SLIT3: variants seen among roughly 807,000 people sequenced by gnomAD.
SLIT3 encodes slit homolog 3 protein.
In SLIT3, 68 loss-of-function variants were observed where a neutral mutation model predicts 184.0. That is an observed-to-expected ratio of 0.37 (90% CI 0.30 to 0.45). SLIT3 has a LOEUF of 0.45. Among genes scored for constraint, SLIT3 ranks in the 20% least tolerant of loss-of-function variants. The pLI, the probability that SLIT3 is intolerant of heterozygous loss-of-function variation, is 1.00. For missense variants in SLIT3, 1,707 were observed against 2,026.0 expected (o/e 0.84, Z 3.02); for synonymous variants, 831 against 828.6 (o/e 1.00, Z -0.05).
At position 168,673,223 on chromosome 5, in the gene SLIT3, G is replaced by A. The variant is rs1351456102; in HGVS notation, c.3795C>T (p.Leu1265=). The A allele has an allele frequency of 6.2e-7, 1 of 1,614,130 alleles. No individual in the cohort carries two copies. The highest frequency in any genetic ancestry group is 1.7e-5 in the Admixed American group (1 of 60,014). The change falls in exon 33 of 36, where the codon CTC becomes CTT. Residue 1265 remains leucine, a synonymous_variant. Coordinates refer to ENST00000519560, the MANE Select transcript of SLIT3 (RefSeq NM_003062.4). The stretch of plus-strand genomic sequence containing the variant: ...TGATGCCCACTGCTGGCTGCTTCTG[G>A]AGCTTCCCCAGGCTCTTTGGAGTTC... The part of the protein sequence containing the change: ...DKGTPKSLGK[L]QKQPAVGINS...
At chr5:168,896,412 C>T (rs1291752323) in intron 4 of SLIT3, among the ~76,000 whole-genome samples, 1 of 152,180 alleles carries the variant, frequency 6.6e-6, no homozygotes, top group Admixed American at 6.5e-5. Flanking sequence ...CTTATCAGTA[C>T]TTGCATCTGT....
intron 4 of SLIT3, among the ~76,000 whole-genome samples, chr5:168,900,759 AC>A (rs1474439463): frequency 6.6e-5 from 10 of 152,266 alleles, no homozygotes; most frequent in African/African-American, 2.4e-4. Flanking sequence ...GTATATATAC[AC>A]AATGGAATAC....
chr5:169,207,388 C>T (rs1206814701), intron 3 of SLIT3, among the ~76,000 whole-genome samples: 2 of 149,934 alleles, frequency 1.3e-5, no homozygotes, highest in African/African-American at 2.5e-5. Context: ...CACACACACA[C>T]ACACACACAC....
chr5:168,784,985 T>C (rs532117013), intron 12 of SLIT3, among the ~76,000 whole-genome samples: 2 of 152,220 alleles, frequency 1.3e-5, no homozygotes, highest in East Asian at 3.9e-4. Flanking sequence ...GTAGATTCTT[T>C]TCCAGTTTCC....
chr5:168,960,244 C>T (rs1762959308), intron 4 of SLIT3, among the ~76,000 whole-genome samples: 1 of 152,218 alleles, frequency 6.6e-6, no homozygotes, highest in Non-Finnish European at 1.5e-5. Context: ...CTTGGTGATT[C>T]TCTGGTTAAT....
chr5:169,002,352 A>G (rs1051927941), intron 4 of SLIT3, among the ~76,000 whole-genome samples: 1 of 147,854 alleles, frequency 6.8e-6, no homozygotes, highest in Non-Finnish European at 1.5e-5. Context: ...AAAAAAAAAA[A>G]AAAGAAAAAA....
At chr5:169,139,461 A>G (rs1352704787) in intron 4 of SLIT3, among the ~76,000 whole-genome samples, 3 of 152,284 alleles carry the variant, frequency 2.0e-5, no homozygotes, top group African/African-American at 7.2e-5. Flanking sequence ...GACCTCTGAA[A>G]TATCAAGAGG....
intron 5 of SLIT3, among the ~76,000 whole-genome samples, chr5:168,872,991 C>G (rs1165100970): frequency 3.9e-5 from 6 of 152,262 alleles, no homozygotes; most frequent in Admixed American, 3.3e-4. Context: ...AATTCTGTCC[C>G]AACTGTGACC....
At chr5:169,268,359 A>G (rs958987085) in intron 1 of SLIT3, among the ~76,000 whole-genome samples, 1 of 152,188 alleles carries the variant, frequency 6.6e-6, no homozygotes, top group South Asian at 2.1e-4. Context: ...GTTCGACCCA[A>G]GGAAATTCTG....
chr5:169,287,703 T>C (rs1448420567), intron 1 of SLIT3, among the ~76,000 whole-genome samples: 1 of 152,074 alleles, frequency 6.6e-6, no homozygotes, highest in East Asian at 1.9e-4. Context: ...ATTCAGAACT[T>C]GTACGCTGGC....
intron 14 of SLIT3, among the ~76,000 whole-genome samples, chr5:168,765,941 G>C (rs1248856848): frequency 6.6e-6 from 1 of 152,106 alleles, no homozygotes. Flanking sequence ...GTGGGGGTAG[G>C]AGGTGGAAAT....
intron 4 of SLIT3, among the ~76,000 whole-genome samples, chr5:169,133,589 T>C (rs542935907): frequency 2.6e-5 from 4 of 152,264 alleles, no homozygotes; most frequent in African/African-American, 9.6e-5. Flanking sequence ...AAAATCTTTA[T>C]AGTAGGAGCT....
intron 1 of SLIT3, among the ~76,000 whole-genome samples, chr5:169,262,010 G>T (rs946908214): frequency 3.3e-5 from 5 of 152,248 alleles, no homozygotes; most frequent in Middle Eastern, 3.4e-3. Context: ...AGACTGCAAG[G>T]AACTGAATTA....
At chr5:169,054,936 T>C (rs1238747649) in intron 4 of SLIT3, among the ~76,000 whole-genome samples, 4 of 152,160 alleles carry the variant, frequency 2.6e-5, no homozygotes, top group Admixed American at 6.5e-5. Context: ...ATTGAACAGG[T>C]ATCATGGACT....
intron 4 of SLIT3, among the ~76,000 whole-genome samples, chr5:169,040,806 A>T (rs1248978502): frequency 6.6e-6 from 1 of 152,204 alleles, no homozygotes; most frequent in Non-Finnish European, 1.5e-5. Flanking sequence ...GTACATTATG[A>T]CCTGAAGAAT....
chr5:168,799,111 G>C (rs1245631778), intron 9 of SLIT3, among the ~76,000 whole-genome samples: 1 of 152,192 alleles, frequency 6.6e-6, no homozygotes, highest in Non-Finnish European at 1.5e-5. Context: ...AGGTTGGAAA[G>C]TGTGCACACA....
intron 4 of SLIT3, among the ~76,000 whole-genome samples, chr5:168,924,501 T>C (rs553028837): frequency 5.9e-5 from 8 of 135,696 alleles, no homozygotes; most frequent in African/African-American, 2.6e-4. Flanking sequence ...AGGGTGTGTG[T>C]GTGTGTATGT....
At chr5:168,710,543 C>G (rs1159262401) in intron 25 of SLIT3, among the ~76,000 whole-genome samples, 3 of 151,348 alleles carry the variant, frequency 2.0e-5, no homozygotes, top group Admixed American at 6.6e-5. Context: ...ACAGGAGGAT[C>G]GTTGGAGATC....
chr5:169,209,504 T>C (rs565177377), intron 3 of SLIT3, among the ~76,000 whole-genome samples: 27 of 152,334 alleles, frequency 1.8e-4, no homozygotes, highest in African/African-American at 5.3e-4. Context: ...TGTATGTTTA[T>C]TGCAGCACTA....
Sources: gnomAD v4.1 joint callset for allele counts (sites outside exome capture counted in the v4.1 genomes callset) on GRCh38, gnomAD v4.1.1 for gene constraint, MANE v1.5 for transcripts, NCBI Gene and HGNC (gene_info 2026-07-23, HGNC 2026-07-21) for gene names.